Variants in TYW1 observed in about 807,000 individuals in gnomAD.
The protein encoded by TYW1 is S-adenosyl-L-methionine-dependent tRNA 4-demethylwyosine synthase TYW1.
A neutral mutation model predicts 96.2 loss-of-function variants in TYW1; 46 were observed. The observed-to-expected ratio is 0.48, with a 90% CI of 0.38 to 0.61. The LOEUF (loss-of-function observed/expected upper bound fraction) is 0.61, where lower values mean the gene tolerates loss of function less well. Among genes scored for constraint, TYW1 ranks in the 20% least tolerant of loss-of-function variants. The pLI is 0.00. For synonymous variants in TYW1, 274 were observed against 323.0 expected (o/e 0.85, Z 1.63); for missense variants, 684 against 909.6 (o/e 0.75, Z 3.19).
chr7:67,057,508 G>A (rs1469134521), intron 9 of TYW1, among the ~76,000 whole-genome samples: 10 of 152,136 alleles, frequency 6.6e-5, no homozygotes, highest in African/African-American at 1.9e-4. Context: ...GATTACAAGC[G>A]TGTGCCAACA....
intron 15 of TYW1, among the ~76,000 whole-genome samples, chr7:67,200,970 T>G (rs945187531): frequency 6.6e-6 from 1 of 151,936 alleles, no homozygotes; most frequent in African/African-American, 2.4e-5. Context: ...GAAAGGAGAT[T>G]ATTAGGCAGG....
At chr7:67,177,656 A>C (rs922494232) in intron 13 of TYW1, among the ~76,000 whole-genome samples, 6 of 152,242 alleles carry the variant, frequency 3.9e-5, no homozygotes, top group Non-Finnish European at 5.9e-5. Flanking sequence ...AAAACAATGC[A>C]AAAGTGGTGA....
chr7:67,102,912 G>A (rs1797131734), intron 12 of TYW1, among the ~76,000 whole-genome samples: 1 of 152,322 alleles, frequency 6.6e-6, no homozygotes, highest in African/African-American at 2.4e-5. Flanking sequence ...GCCTCCCAAA[G>A]TGCTGGGATT....
intron 13 of TYW1, among the ~76,000 whole-genome samples, chr7:67,150,205 AC>A (rs1798753893): frequency 1.3e-5 from 2 of 152,160 alleles, no homozygotes; most frequent in Non-Finnish European, 1.5e-5. Context: ...GTGTGGTAGG[AC>A]TGAGGACAGG....
intron 10 of TYW1, among the ~76,000 whole-genome samples, chr7:67,078,009 T>A (rs1796257823): frequency 6.6e-6 from 1 of 152,204 alleles, no homozygotes; most frequent in South Asian, 2.1e-4. Context: ...GGTTCTCTAT[T>A]TTGTTCTGTT....
chr7:67,044,123 T>G, intron 7 of TYW1, among the ~76,000 whole-genome samples: 1 of 148,830 alleles, frequency 6.7e-6, no homozygotes, highest in South Asian at 2.1e-4. Context: ...TTTTTTTTTT[T>G]TTTTTTTGAG....
intron 8 of TYW1, among the ~76,000 whole-genome samples, chr7:67,053,380 C>CTTTT (rs35828058): frequency 7.4e-6 from 1 of 134,394 alleles, no homozygotes; most frequent in African/African-American, 2.8e-5. Flanking sequence ...TAGTTTGTTT[C>CTTTT]TTTTTTTTTT....
intron 11 of TYW1, among the ~76,000 whole-genome samples, chr7:67,089,852 A>C (rs1563006932): frequency 6.6e-6 from 1 of 152,184 alleles, no homozygotes; most frequent in Non-Finnish European, 1.5e-5. Context: ...TCAGAATTTC[A>C]GTGCCACTCA....
intron 13 of TYW1, among the ~76,000 whole-genome samples, chr7:67,177,564 A>C (rs1277232501): frequency 6.6e-6 from 1 of 152,250 alleles, no homozygotes; most frequent in Non-Finnish European, 1.5e-5. Context: ...CATTTGAACC[A>C]GTACTTCACA....
intron 11 of TYW1, among the ~76,000 whole-genome samples, chr7:67,097,555 C>T (rs560801391): frequency 6.6e-6 from 1 of 152,240 alleles, no homozygotes; most frequent in African/African-American, 2.4e-5. Flanking sequence ...TCCGCCACCA[C>T]GCCCAGCTAA....
chr7:67,017,006 A>C lies in TYW1; in HGVS notation c.571-847A>C, dbSNP rs374377044. On this transcript the variant is annotated intron_variant, in intron 5 of 15. Coordinates refer to ENST00000359626, the MANE Select transcript of TYW1 (RefSeq NM_018264.4). ...TTTTTTTTTTTTTTTTTTTTTTGAGACAGAGTCACTCTCTTGCCCAGGCTG... is the reference window on the plus strand; with the variant it reads ...TTTTTTTTTTTTTTTTTTTTTTGAGCCAGAGTCACTCTCTTGCCCAGGCTG... Among the ~76,000 whole-genome samples the C allele has an allele frequency of 5.3e-4, 70 of 131,474 alleles. No individual in the cohort carries two copies. In the East Asian group the frequency reaches 0.014, roughly 27 times the overall value. 86.3% of individuals were successfully genotyped at this position (131,474 alleles called of 152,430 possible).
intron 7 of TYW1, among the ~76,000 whole-genome samples, chr7:67,044,235 ACCACAAGCGCATG>A (rs1370211543): frequency 2.0e-5 from 3 of 150,840 alleles, no homozygotes; most frequent in African/African-American, 7.3e-5. Context: ...AATAGCTGCG[ACCACAAGCGCATG>A]CCACCACGCC....
intron 14 of TYW1, among the ~76,000 whole-genome samples, chr7:67,193,852 T>TG (rs1563065141): frequency 6.0e-5 from 9 of 148,816 alleles, no homozygotes; most frequent in African/African-American, 2.0e-4. Flanking sequence ...TTGTGTGTGT[T>TG]TGTGTGTGTG....
intron 12 of TYW1, among the ~76,000 whole-genome samples, chr7:67,112,100 C>CAAA (rs538839042): frequency 0.17 from 15,942 of 93,002 alleles, 1,896 homozygotes; most frequent in East Asian, 0.25. Context: ...CTCTGTCTGA[C>CAAA]AAAAAAAAAA....
chr7:66,998,085 G>C lies in TYW1; in HGVS notation c.25G>C (p.Asp9His). 1 of 1,605,064 alleles carries C rather than the reference G, an allele frequency of 6.2e-7. No homozygotes were observed. Among genetic ancestry groups the C allele is most frequent in the Admixed American group, 1.7e-5 (1 of 57,534 alleles). Residue 9 changes from aspartate (D) to histidine (H), a missense_variant, in exon 2 of 16, where the codon GAC becomes CAC. Asp to His is a moderately conservative substitution (Grantham distance 81). Transcript: ENST00000359626. ...TTTAGATCCTTCTGCGGATACATGG[G>C]ACCTCTTCTCACCTTTAATATCATT... MDPSADTW[D>H]LFSPLISLWI...
At chr7:67,109,777 G>A (rs988485501) in intron 12 of TYW1, among the ~76,000 whole-genome samples, 1 of 152,204 alleles carries the variant, frequency 6.6e-6, no homozygotes, top group Non-Finnish European at 1.5e-5. Context: ...CTACTCGAGA[G>A]GCTGAGGCAA....
intron 15 of TYW1, among the ~76,000 whole-genome samples, chr7:67,200,158 G>A (rs753802785): frequency 2.0e-5 from 3 of 152,174 alleles, no homozygotes; most frequent in Non-Finnish European, 4.4e-5. Flanking sequence ...CAGGACAAAG[G>A]AGAGAATCTG....
At chr7:67,211,955 T>G (rs1041029657) in intron 15 of TYW1, among the ~76,000 whole-genome samples, 2 of 152,202 alleles carry the variant, frequency 1.3e-5, no homozygotes, top group African/African-American at 4.8e-5. Flanking sequence ...CTTCCTGGGA[T>G]CTCCTAACTT....
At chr7:67,207,238 A>T (rs1303008809) in intron 15 of TYW1, among the ~76,000 whole-genome samples, 1 of 152,206 alleles carries the variant, frequency 6.6e-6, no homozygotes, top group Non-Finnish European at 1.5e-5. Context: ...TAACTGGTAC[A>T]TATCAGATTC....
Sources: allele counts gnomAD v4.1 joint callset (sites outside exome capture counted in the v4.1 genomes callset), GRCh38; gene constraint gnomAD v4.1.1; transcripts MANE v1.5; gene names NCBI Gene and HGNC (gene_info 2026-07-23, HGNC 2026-07-21).